The following MACF1 variants were observed in gnomAD, a reference collection of about 807,000 sequenced individuals.
MACF1 encodes microtubule-actin cross-linking factor 1.
In MACF1, 193 loss-of-function variants were observed where a neutral mutation model predicts 854.8. The observed-to-expected ratio is 0.23, with a 90% confidence interval of 0.20 to 0.25. The LOEUF is 0.25. Among genes scored for constraint, MACF1 ranks in the 10% least tolerant of loss-of-function variants. The probability of loss-of-function intolerance (pLI) is 1.00; values close to 1 mark genes in which losing one functional copy is unlikely to be tolerated. For synonymous variants in MACF1, 3,185 were observed against 3,226.7 expected, an observed-to-expected ratio of 0.99 and a Z score of 0.44; for missense variants, 7,722 against 8,929.1, an observed-to-expected ratio of 0.86 and a Z score of 5.45.
At chr1:39,476,397 C>T (rs1302682529) in intron 97 of MACF1, among the ~76,000 whole-genome samples, 1 of 152,036 alleles carries the variant, frequency 6.6e-6, no homozygotes, top group East Asian at 1.9e-4. Context: ...GGTGAAACCC[C>T]ATCTCTACTA....
chr1:39,476,658 A>G (rs2124190466), intron 97 of MACF1, among the ~76,000 whole-genome samples: 1 of 152,352 alleles, frequency 6.6e-6, no homozygotes, highest in African/African-American at 2.4e-5. Flanking sequence ...AGCATTGGCT[A>G]CAATGTTTAA....
At chr1:39,202,966 A>G (rs936950878), upstream of MACF1, among the ~76,000 whole-genome samples, 2 of 152,140 alleles carry the variant, frequency 1.3e-5, no homozygotes, top group African/African-American at 4.8e-5. Flanking sequence ...AGGCCCCTTT[A>G]TTATTTTTCT....
At chr1:39,391,089 T>C (rs1488420974) in intron 58 of MACF1, among the ~76,000 whole-genome samples, 4 of 150,510 alleles carry the variant, frequency 2.7e-5, no homozygotes, top group Non-Finnish European at 5.9e-5. Context: ...CCAGCCTGGG[T>C]GACAGAGTGA....
chr1:39,395,279 T>C (rs886391060), intron 58 of MACF1, among the ~76,000 whole-genome samples: 1 of 152,210 alleles, frequency 6.6e-6, no homozygotes, highest in Non-Finnish European at 1.5e-5. Flanking sequence ...ACTATAGCCC[T>C]GGAAGAAATT....
intron 2 of MACF1, among the ~76,000 whole-genome samples, chr1:39,139,519 A>G (rs531441806): frequency 2.0e-5 from 3 of 150,908 alleles, no homozygotes; most frequent in Admixed American, 6.6e-5. Context: ...AGCCTCCCAA[A>G]TTTGCCACTA....
intron 2 of MACF1, among the ~76,000 whole-genome samples, chr1:39,249,196 A>G (rs962071111): frequency 6.6e-6 from 1 of 152,292 alleles, no homozygotes; most frequent in Non-Finnish European, 1.5e-5. Flanking sequence ...AAACTTCACA[A>G]GGTAATTGTT....
At position 39,334,371 on chromosome 1, in the gene MACF1, T is replaced by G; in HGVS notation, c.7783T>G (p.Leu2595Val). 6.2e-7 allele frequency: 1 copy of G among 1,614,050 alleles called. No individual in the cohort carries two copies. The highest frequency in any genetic ancestry group is 8.5e-7 in the Non-Finnish European group (1 of 1,179,982). The change falls in exon 37 of 101, where the codon TTG becomes GTG. Residue 2595 changes from leucine (L) to valine (V), a missense_variant. Coordinates refer to ENST00000564288, the MANE Select transcript of MACF1 (RefSeq NM_001394062.1). ...VDLISGQRLT[L>V]AEAKKEGLLT... ...TCTCATTTCTGGTCAGAGATTGACC[T>G]TGGCAGAAGCTAAAAAAGAAGGACT... is the stretch of plus-strand genomic sequence containing the variant.
chr1:39,317,767 G>A (rs1646440791), intron 29 of MACF1, among the ~76,000 whole-genome samples: 1 of 152,152 alleles, frequency 6.6e-6, no homozygotes, highest in Admixed American at 6.5e-5. Flanking sequence ...TTATGATGGA[G>A]CTTTACAGAA....
chr1:39,131,151 CTTTTTTTTT>C (rs34762038), intron 2 of MACF1, among the ~76,000 whole-genome samples: 3 of 42,348 alleles, frequency 7.1e-5, no homozygotes, highest in Admixed American at 4.9e-4. Context: ...TGCGCCCGGC[CTTTTTTTTT>C]TTTTTTTTTT....
chr1:39,393,771 C>T (rs552340438), intron 58 of MACF1, among the ~76,000 whole-genome samples: 15 of 149,836 alleles, frequency 1.0e-4, no homozygotes, highest in African/African-American at 2.5e-4. Context: ...TCCATGCCAC[C>T]GCAGTCCAGC....
At chr1:39,390,871 G>T (rs1219555976) in intron 58 of MACF1, among the ~76,000 whole-genome samples, 3 of 152,182 alleles carry the variant, frequency 2.0e-5, no homozygotes, top group East Asian at 3.8e-4. Context: ...ACTTTGGGAG[G>T]CCGAGGCGGG....
Position 39,295,855 on chromosome 1 carries a change from T to C in MACF1, c.2328T>C (p.His776=), listed in dbSNP as rs1645887959. Residue 776 remains histidine (H), a synonymous_variant, in exon 20 of 101, where the codon CAT becomes CAC. Transcript: ENST00000564288. ...MKQLCLCVEQ[H]VKENTAYFQF... ...AGCTGTGCCTGTGTGTTGAGCAGCA[T>C]GTGAAAGAGAATACTGCTTATTTTC... is the stretch of plus-strand genomic sequence containing the variant. 1.2e-6 allele frequency: 2 copies of C among 1,614,138 alleles called. No individual in the cohort carries two copies. Among genetic ancestry groups the C allele is most frequent in the Non-Finnish European group, 1.7e-6 (2 of 1,179,994 alleles).
At chr1:39,179,071 G>C (rs1261884130) in intron 2 of MACF1, among the ~76,000 whole-genome samples, 1 of 152,158 alleles carries the variant, frequency 6.6e-6, no homozygotes, top group East Asian at 1.9e-4. Flanking sequence ...AGAAATGGAT[G>C]TCATCAGGAA....
chr1:39,109,011 G>A (rs1488255296), intron 2 of MACF1, among the ~76,000 whole-genome samples: 1 of 152,128 alleles, frequency 6.6e-6, no homozygotes, highest in Non-Finnish European at 1.5e-5. Flanking sequence ...CTGCACAGAG[G>A]GTTACAAGTG....
chr1:39,133,185 G>C (rs776076801), intron 2 of MACF1, among the ~76,000 whole-genome samples: 17 of 152,196 alleles, frequency 1.1e-4, no homozygotes, highest in Non-Finnish European at 2.2e-4. Flanking sequence ...GTCCTCACTA[G>C]CCGACTTGGC....
chr1:39,203,165 A>T (rs1644412846), upstream of MACF1, among the ~76,000 whole-genome samples: 1 of 152,226 alleles, frequency 6.6e-6, no homozygotes. Flanking sequence ...AGCTTGTGAG[A>T]CTATAGCATC....
intron 2 of MACF1, among the ~76,000 whole-genome samples, chr1:39,193,606 C>T (rs1644282707): frequency 1.3e-5 from 2 of 152,164 alleles, no homozygotes; most frequent in South Asian, 4.1e-4. Flanking sequence ...TATGCATTTT[C>T]TCACTTAATC....
intron 51 of MACF1, among the ~76,000 whole-genome samples, chr1:39,371,398 A>G (rs1037578253): frequency 6.6e-6 from 1 of 152,096 alleles, no homozygotes; most frequent in Non-Finnish European, 1.5e-5. Flanking sequence ...AAATTAGGCA[A>G]TATGAGTAGA....
intron 6 of MACF1, among the ~76,000 whole-genome samples, chr1:39,274,068 G>T (rs1031029509): frequency 4.1e-4 from 62 of 152,240 alleles, no homozygotes; most frequent in African/African-American, 1.5e-3. Flanking sequence ...AGGGTGAAGT[G>T]GGTGGGATGT....
Sources: allele counts gnomAD v4.1 joint callset (sites outside exome capture counted in the v4.1 genomes callset), GRCh38; gene constraint gnomAD v4.1.1; transcripts MANE v1.5; gene names NCBI Gene and HGNC (gene_info 2026-07-23, HGNC 2026-07-21).